CAMP: variants seen among roughly 807,000 people sequenced by gnomAD.
CAMP encodes 18 kDa cationic antimicrobial protein.
CAMP carries 10 observed loss-of-function variants against 12.7 expected under a neutral mutation model. That is an observed-to-expected ratio of 0.79 (90% CI 0.49 to 1.34). CAMP has a LOEUF of 1.34. Among genes scored for constraint, CAMP ranks in the 40% most tolerant of loss-of-function variants. The pLI is 0.00. For missense variants in CAMP, 205 were observed against 213.0 expected (o/e 0.96, Z 0.23); for synonymous variants, 87 against 85.2 (o/e 1.02, Z -0.12).
At chr3:48,224,192 GA>G (rs1174010489) in intron 1 of CAMP, among the ~76,000 whole-genome samples, 161 bp from the exon 2 acceptor site, 3 of 152,036 alleles carry the variant, frequency 2.0e-5, no homozygotes, top group Non-Finnish European at 4.4e-5. Context: ...AGGAGGGTAG[GA>G]ATGGCTCAGT....
At position 48,224,422 on chromosome 3, in the gene CAMP, A is replaced by G. The variant is rs957657445; in HGVS notation, c.270A>G (p.Thr90=). 4 of 1,613,894 alleles carry G rather than the reference A, an allele frequency of 2.5e-6. No individual in the cohort carries two copies. The highest frequency in any genetic ancestry group is 3.4e-6 in the Non-Finnish European group (4 of 1,179,802). ...AGGAGACAGTGTGCCCCAGGACGACACAGCAGTCACCAGAGGATTGTGACT... is the reference window on the plus strand; with the variant it reads ...AGGAGACAGTGTGCCCCAGGACGACGCAGCAGTCACCAGAGGATTGTGACT... ...TVKETVCPRT[T]QQSPEDCDFK... is the part of the protein sequence containing the mutation. Residue 90 remains threonine (T), a synonymous_variant, in exon 2 of 4, where the codon ACA becomes ACG. Coordinates refer to ENST00000652295, the MANE Select transcript of CAMP (RefSeq NM_004345.5).
intron 3 of CAMP, 22 bp downstream of exon 3, chr3:48,224,696 G>T (rs1301771534): frequency 6.3e-7 from 1 of 1,580,760 alleles, no homozygotes; most frequent in African/African-American, 1.3e-5. Flanking sequence ...GTTCTGGGAT[G>T]CAGGGGCTGA....
intron 2 of CAMP, 30 bp downstream of exon 2, chr3:48,224,491 G>C: frequency 3.2e-6 from 5 of 1,565,730 alleles, no homozygotes; most frequent in Non-Finnish European, 4.4e-6. Context: ...GTGTTGGTGG[G>C]TGCCTCCCAA....
chr3:48,225,269 GT>G (rs767948078), intron 3 of CAMP, 23 bp from the exon 4 acceptor site: 3 of 1,611,516 alleles, frequency 1.9e-6, no homozygotes, highest in Non-Finnish European at 1.7e-6. Flanking sequence ...CAAGGAACCT[GT>G]TTCTTCCTGT....
In CAMP at chr3:48,223,651, A is replaced by G; in HGVS notation, c.140A>G (p.Asn47Ser). 6.2e-7 allele frequency: 1 copy of G among 1,614,180 alleles called. No homozygotes were observed. Among genetic ancestry groups the G allele is most frequent in the Non-Finnish European group, 8.5e-7 (1 of 1,180,026 alleles). The change falls in exon 1 of 4, where the codon AAC becomes AGC. Residue 47 changes from asparagine (N) to serine (S), a missense_variant. Transcript: ENST00000652295. ...EAVLRAIDGINQRSSDANLYR... is the reference protein window; with the variant it reads ...EAVLRAIDGISQRSSDANLYR... ...GTGCTTCGTGCTATAGATGGCATCA[A>G]CCAGCGGTCCTCGGATGCTAACCTC...
chr3:48,225,421 C>G lies in CAMP; in HGVS notation c.510C>G (p.Ser170=). 1 of 1,612,498 alleles carries G rather than the reference C, an allele frequency of 6.2e-7. No individual in the cohort carries two copies. The highest frequency in any genetic ancestry group is 8.5e-7 in the Non-Finnish European group (1 of 1,178,860). ...FLRNLVPRTE[S] ...GGAATCTTGTACCCAGGACAGAGTC[C>G]TAGTGTGTGCCCTACCCTGGCTCAG... The change falls in exon 4 of 4, where the codon TCC becomes TCG. Residue 170 remains serine, a synonymous_variant. Coordinates refer to ENST00000652295, the MANE Select transcript of CAMP (RefSeq NM_004345.5).
At chr3:48,223,769 C>T in intron 1 of CAMP, 57 bp downstream of exon 1, 1 of 1,337,780 alleles carries the variant, frequency 7.5e-7, no homozygotes, top group Middle Eastern at 2.0e-4. Flanking sequence ...CGTGTTGTTC[C>T]TTCTGCTCCT....
rs780840779 is a variant in CAMP, at chr3:48,225,342, A to G, written c.431A>G (p.Glu144Gly). ...GGTGATTTCTTCCGGAAATCTAAAG[A>G]GAAGATTGGCAAAGAGTTTAAAAGA... is the stretch of plus-strand genomic sequence containing the variant. ...LLGDFFRKSK[E>G]KIGKEFKRIV... The change falls in exon 4 of 4, where the codon GAG becomes GGG. Residue 144 changes from glutamate to glycine, a missense_variant. Coordinates refer to ENST00000652295, the MANE Select transcript of CAMP (RefSeq NM_004345.5). 2 of 1,613,544 alleles carry G rather than the reference A, an allele frequency of 1.2e-6. No homozygotes were observed. Among genetic ancestry groups the G allele is most frequent in the Non-Finnish European group, 1.7e-6 (2 of 1,179,476 alleles).
At chr3:48,225,258 A>C (rs759467603) in intron 3 of CAMP, 35 bp from the exon 4 acceptor site, 25 of 1,609,744 alleles carry the variant, frequency 1.6e-5, no homozygotes, top group Middle Eastern at 1.6e-4. Flanking sequence ...TACATCCCCG[A>C]CAAGGAACCT....
intron 1 of CAMP, 41 bp from the exon 2 acceptor site, chr3:48,224,313 A>C: frequency 7.2e-7 from 1 of 1,392,002 alleles, no homozygotes; most frequent in Non-Finnish European, 1.0e-6. Context: ...CACAAATCAG[A>C]AAATACAAGA....
At position 48,223,629 on chromosome 3, in the gene CAMP, C is replaced by G. The variant is rs778462823; in HGVS notation, c.118C>G (p.Leu40Val). Residue 40 changes from leucine to valine, a missense_variant, in exon 1 of 4, where the codon CTT (leucine) becomes GTT (valine). Physicochemically the swap from Leu to Val is conservative, Grantham distance 32. Transcript: ENST00000652295. The part of the protein sequence containing the change: ...AQVLSYKEAV[L>V]RAIDGINQRS... ...GGTCCTCAGCTACAAGGAAGCTGTG[C>G]TTCGTGCTATAGATGGCATCAACCA... is the stretch of plus-strand genomic sequence containing the variant. 6.2e-7 allele frequency: 1 copy of G among 1,614,136 alleles called. No individual in the cohort carries two copies. Among genetic ancestry groups the G allele is most frequent in the Non-Finnish European group, 8.5e-7 (1 of 1,179,982 alleles).
Position 48,223,533 on chromosome 3 carries a change from C to T in CAMP, c.22C>T (p.His8Tyr), listed in dbSNP as rs1338225496. ...GACCATGAAGACCCAAAGGGATGGC[C>T]ACTCCCTGGGGCGGTGGTCACTGGT... MKTQRDG[H>Y]SLGRWSLVLL... The change falls in exon 1 of 4, where the codon CAC becomes TAC. Residue 8 changes from histidine to tyrosine, a missense_variant. His to Tyr is a moderately conservative substitution (Grantham distance 83, BLOSUM62 2). Transcript: ENST00000652295. The T allele has an allele frequency of 6.2e-7, 1 of 1,603,482 alleles. No individual in the cohort carries two copies. Among genetic ancestry groups the T allele is most frequent in the Admixed American group, 1.7e-5 (1 of 58,138 alleles).
intron 3 of CAMP, among the ~76,000 whole-genome samples, 193 bp from the exon 4 acceptor site, chr3:48,225,100 T>G (rs929282421): frequency 6.6e-6 from 1 of 152,170 alleles, no homozygotes; most frequent in Non-Finnish European, 1.5e-5. Flanking sequence ...TCTCCGGGAC[T>G]CTGTTTTCTC....
intron 3 of CAMP, 146 bp from the exon 4 acceptor site, chr3:48,225,147 T>C: frequency 1.5e-6 from 1 of 687,686 alleles, no homozygotes; most frequent in South Asian, 1.6e-5. Context: ...ATCACATGCT[T>C]CAAAGGTCAC....
At position 48,223,574 on chromosome 3, in the gene CAMP, C is replaced by T. The variant is rs2033452425; in HGVS notation, c.63C>T (p.Gly21=). The T allele has an allele frequency of 6.2e-7, 1 of 1,612,988 alleles. No homozygotes were observed. The highest frequency in any genetic ancestry group is 8.5e-7 in the Non-Finnish European group (1 of 1,179,568). ...GRWSLVLLLL[G]LVMPLAIIAQ... is the part of the protein sequence containing the mutation. ...GGTCACTGGTGCTCCTGCTGCTGGGCCTGGTGATGCCTCTGGCCATCATTG... is the reference window on the plus strand; with the variant it reads ...GGTCACTGGTGCTCCTGCTGCTGGGTCTGGTGATGCCTCTGGCCATCATTG... Residue 21 remains glycine (G), a synonymous_variant, in exon 1 of 4, where the codon GGC becomes GGT. Transcript: ENST00000652295.
chr3:48,225,145 C>A, intron 3 of CAMP, 148 bp from the exon 4 acceptor site: 1 of 684,858 alleles, frequency 1.5e-6, no homozygotes, highest in Non-Finnish European at 2.6e-6. Context: ...CAATCACATG[C>A]TTCAAAGGTC....
chr3:48,224,573 C>A, intron 2 of CAMP, 30 bp from the exon 3 acceptor site: 1 of 1,604,106 alleles, frequency 6.2e-7, no homozygotes. Context: ...CAAATGGTTT[C>A]AAGTTTGACC....
intron 1 of CAMP, among the ~76,000 whole-genome samples, chr3:48,224,105 C>T (rs2106814290): frequency 6.6e-6 from 1 of 152,232 alleles, no homozygotes; most frequent in Middle Eastern, 3.4e-3. Context: ...CCCCTGACTT[C>T]CCTTGCCCCC....
At chr3:48,225,177 G>T (rs747275053) in intron 3 of CAMP, 116 bp from the exon 4 acceptor site, 3 of 956,072 alleles carry the variant, frequency 3.1e-6, no homozygotes, top group Non-Finnish European at 4.9e-6. Context: ...TTGAACTGGG[G>T]CCCCAAAGCT....
Sources: allele counts gnomAD v4.1 joint callset (sites outside exome capture counted in the v4.1 genomes callset), GRCh38; gene constraint gnomAD v4.1.1; transcripts MANE v1.5; gene names NCBI Gene and HGNC (gene_info 2026-07-23, HGNC 2026-07-21).